TRAF3IP1: variants seen among roughly 807,000 people sequenced by gnomAD.
The protein encoded by TRAF3IP1 is intraflagellar transport 54, also known as TRAF3-interacting protein 1.
A neutral mutation model predicts 89.9 loss-of-function variants in TRAF3IP1; 53 were observed. The ratio of observed to expected loss-of-function variants is 0.59; its 90% CI spans 0.47 to 0.74. The LOEUF (loss-of-function observed/expected upper bound fraction) is 0.74, where lower values mean the gene tolerates loss of function less well. Ranked by LOEUF, TRAF3IP1 falls within the 30% of genes least tolerant of loss-of-function variation. TRAF3IP1 has a pLI of 0.00. For synonymous variants in TRAF3IP1, 311 were observed against 322.1 expected, an observed-to-expected ratio of 0.97 and a Z score of 0.37; for missense variants, 806 against 866.1, an observed-to-expected ratio of 0.93 and a Z score of 0.87.
chr2:238,366,191 G>A (rs1175158708), intron 15 of TRAF3IP1, among the ~76,000 whole-genome samples: 14 of 152,190 alleles, frequency 9.2e-5, no homozygotes, highest in African/African-American at 2.9e-4. Context: ...GAGATCGCGC[G>A]CGCCACTGCA....
intron 15 of TRAF3IP1, among the ~76,000 whole-genome samples, chr2:238,383,739 C>T (rs911806027): frequency 2.0e-5 from 3 of 152,154 alleles, no homozygotes; most frequent in Non-Finnish European, 2.9e-5. Flanking sequence ...TTTTGGATTC[C>T]TTGCTAGGAG....
intron 15 of TRAF3IP1, among the ~76,000 whole-genome samples, chr2:238,372,023 G>A (rs980232340): frequency 1.3e-5 from 2 of 152,158 alleles, no homozygotes; most frequent in Non-Finnish European, 2.9e-5. Flanking sequence ...TGAAAAAATA[G>A]TTTTGTGGAA....
At chr2:238,370,355 T>G (rs989809088) in intron 15 of TRAF3IP1, among the ~76,000 whole-genome samples, 1 of 152,118 alleles carries the variant, frequency 6.6e-6, no homozygotes, top group Admixed American at 6.5e-5. Flanking sequence ...CGTGTCTGAG[T>G]GTATACATGT....
intron 5 of TRAF3IP1, among the ~76,000 whole-genome samples, chr2:238,331,566 G>A (rs1698126440): frequency 2.0e-5 from 3 of 152,182 alleles, no homozygotes; most frequent in South Asian, 2.1e-4. Flanking sequence ...GTTTAAAAGC[G>A]TCTGAGACCA....
intron 15 of TRAF3IP1, among the ~76,000 whole-genome samples, chr2:238,362,412 T>G (rs554830755): frequency 6.6e-6 from 1 of 152,282 alleles, no homozygotes; most frequent in South Asian, 2.1e-4. Context: ...ATAAAGTGTT[T>G]TATCTCATGG....
At chr2:238,330,508 A>T (rs919972575) in intron 5 of TRAF3IP1, among the ~76,000 whole-genome samples, 1 of 152,164 alleles carries the variant, frequency 6.6e-6, no homozygotes, top group Non-Finnish European at 1.5e-5. Context: ...GAGGTCGGGA[A>T]GGGATCCAGA....
intron 2 of TRAF3IP1, 95 bp from the exon 3 acceptor site, chr2:238,325,714 A>G: frequency 8.0e-7 from 1 of 1,256,654 alleles, no homozygotes; most frequent in Non-Finnish European, 1.1e-6. Context: ...CTTTGTATGT[A>G]AACAGAAACT....
At chr2:238,348,381 CTTAG>C (rs1698997309) in intron 10 of TRAF3IP1, among the ~76,000 whole-genome samples, 1 of 152,084 alleles carries the variant, frequency 6.6e-6, no homozygotes, top group Admixed American at 6.5e-5. Flanking sequence ...CCATAATTTA[CTTAG>C]TTACTGATTG....
intron 15 of TRAF3IP1, among the ~76,000 whole-genome samples, chr2:238,380,278 T>A (rs1700490788): frequency 1.3e-5 from 2 of 152,104 alleles, no homozygotes; most frequent in African/African-American, 4.8e-5. Context: ...TCAGAGGGCC[T>A]CTCTGAGCCC....
At chr2:238,339,766 C>T (rs1559363189) in intron 8 of TRAF3IP1, among the ~76,000 whole-genome samples, 2 of 152,262 alleles carry the variant, frequency 1.3e-5, no homozygotes, top group Admixed American at 6.5e-5. Context: ...CGCTTTATCA[C>T]GGATCACCTC....
At position 238,347,180 on chromosome 2, in the gene TRAF3IP1, C is replaced by T. The variant is rs1045958851; in HGVS notation, c.1262-275C>T. ...CTTGTCTCATGAACTTGTTAACTTC[C>T]TCTCCGATGTGCTTTCTCCACATCC... is the stretch of plus-strand genomic sequence containing the variant. On this transcript the variant is annotated intron_variant, in intron 9 of 16. Coordinates refer to ENST00000373327, the MANE Select transcript of TRAF3IP1 (RefSeq NM_015650.4). The T allele has an allele frequency of 9.0e-5, 35 of 387,456 alleles. 1 individual carries two copies. The highest frequency in any genetic ancestry group is 1.3e-4 in the Non-Finnish European group (28 of 215,216). 24.0% of individuals were successfully genotyped at this position (387,456 alleles called of 1,614,324 possible). A position where few individuals can be genotyped will look rare whatever the true frequency, so the allele number is the denominator to read the frequency against.
chr2:238,395,260 C>T (rs1453332062), intron 15 of TRAF3IP1, among the ~76,000 whole-genome samples: 1 of 152,072 alleles, frequency 6.6e-6, no homozygotes, highest in African/African-American at 2.4e-5. Flanking sequence ...TTTGACAAAC[C>T]TGACAAAAAC....
At position 238,376,408 on chromosome 2, in the gene TRAF3IP1, G is replaced by T. The variant is rs140707077; in HGVS notation, c.1689+20328G>T. Among the ~76,000 whole-genome samples, 786 of 152,248 alleles carry T rather than the reference G, an allele frequency of 5.2e-3. 17 individuals carry two copies. Among genetic ancestry groups the T allele is most frequent in the East Asian group, 0.013 (68 of 5,186 alleles). On this transcript the variant is annotated intron_variant, in intron 15 of 16. Transcript: ENST00000373327. ...CCCTGCTGTAATGACTGTAGCTTCAGAACAAGGCCTTGTGTCTGGTAGCAA... is the reference window on the plus strand; with the variant it reads ...CCCTGCTGTAATGACTGTAGCTTCATAACAAGGCCTTGTGTCTGGTAGCAA...
At chr2:238,367,462 G>C (rs901992683) in intron 15 of TRAF3IP1, among the ~76,000 whole-genome samples, 1 of 152,194 alleles carries the variant, frequency 6.6e-6, no homozygotes, top group African/African-American at 2.4e-5. Context: ...ATTAGGCCTT[G>C]AAAGGAATGG....
chr2:238,380,980 C>T (rs1394139592), intron 15 of TRAF3IP1, among the ~76,000 whole-genome samples: 1 of 152,028 alleles, frequency 6.6e-6, no homozygotes, highest in Non-Finnish European at 1.5e-5. Flanking sequence ...CCAGTTTTTC[C>T]AGATCTCTAT....
intron 15 of TRAF3IP1, among the ~76,000 whole-genome samples, chr2:238,356,661 G>T (rs1699423534): frequency 6.6e-6 from 1 of 152,176 alleles, no homozygotes; most frequent in South Asian, 2.1e-4. Context: ...GGCCTGTTGG[G>T]CTCTGACTCC....
intron 8 of TRAF3IP1, among the ~76,000 whole-genome samples, chr2:238,340,836 T>C (rs1215104041): frequency 5.2e-5 from 5 of 96,216 alleles, no homozygotes; most frequent in African/African-American, 1.5e-4. Context: ...TGTGTGTGTA[T>C]ATATATATAT....
intron 1 of TRAF3IP1, among the ~76,000 whole-genome samples, chr2:238,321,548 GAT>G (rs1295313860): frequency 6.6e-6 from 1 of 152,164 alleles, no homozygotes; most frequent in African/African-American, 2.4e-5. Flanking sequence ...TCCACTTGCG[GAT>G]GGTGTGCTCC....
At chr2:238,349,670 G>T (rs1441507694) in intron 12 of TRAF3IP1, among the ~76,000 whole-genome samples, 3 of 152,222 alleles carry the variant, frequency 2.0e-5, no homozygotes, top group Non-Finnish European at 2.9e-5. Flanking sequence ...CTGACCCCTA[G>T]ATTGAAGACT....
Sources: gnomAD v4.1 joint callset for allele counts (sites outside exome capture counted in the v4.1 genomes callset) on GRCh38, gnomAD v4.1.1 for gene constraint, MANE v1.5 for transcripts, NCBI Gene and HGNC (gene_info 2026-07-23, HGNC 2026-07-21) for gene names.